The following TMEM132B variants were observed in gnomAD, a reference collection of about 807,000 sequenced individuals.
TMEM132B encodes transmembrane protein 132B.
In TMEM132B, 18 loss-of-function variants were observed where a neutral mutation model predicts 90.8. The observed-to-expected ratio is 0.20, with a 90% CI of 0.14 to 0.29. The LOEUF (loss-of-function observed/expected upper bound fraction) is 0.29. Among genes scored for constraint, TMEM132B ranks in the 10% least tolerant of loss-of-function variants. The pLI is 1.00. For missense variants in TMEM132B, 1,096 were observed against 1,326.8 expected (o/e 0.83, Z 2.70); for synonymous variants, 504 against 523.3 (o/e 0.96, Z 0.50).
intron 1 of TMEM132B, among the ~76,000 whole-genome samples, chr12:125,346,009 T>C (rs528656200): frequency 4.4e-4 from 67 of 152,350 alleles, no homozygotes; most frequent in African/African-American, 1.3e-3. Context: ...AATTCAGATA[T>C]TATATTTTGT....
chr12:125,229,410 T>C (rs1220363656), intron 1 of TMEM132B, among the ~76,000 whole-genome samples: 5 of 152,190 alleles, frequency 3.3e-5, no homozygotes, highest in Non-Finnish European at 7.4e-5. Flanking sequence ...CGTCACTAGG[T>C]TCATTCCTCT....
intron 4 of TMEM132B, among the ~76,000 whole-genome samples, chr12:125,566,577 C>T (rs1050064334): frequency 6.6e-6 from 1 of 152,136 alleles, no homozygotes; most frequent in Non-Finnish European, 1.5e-5. Context: ...GGGATCTGTT[C>T]TGAGGGGCAT....
intron 4 of TMEM132B, among the ~76,000 whole-genome samples, chr12:125,545,422 G>A (rs1044775398): frequency 1.3e-5 from 2 of 152,136 alleles, no homozygotes; most frequent in African/African-American, 2.4e-5. Context: ...TTTCCCAACC[G>A]GAACACACCA....
chr12:125,413,265 T>A (rs1489338282), intron 2 of TMEM132B, among the ~76,000 whole-genome samples: 1 of 152,178 alleles, frequency 6.6e-6, no homozygotes, highest in African/African-American at 2.4e-5. Context: ...CATTCTATTT[T>A]TTTAAAGTTT....
intron 3 of TMEM132B, among the ~76,000 whole-genome samples, chr12:125,434,328 C>T (rs1054692737): frequency 1.1e-4 from 17 of 152,224 alleles, no homozygotes; most frequent in African/African-American, 3.9e-4. Context: ...AATCTAACCA[C>T]ACCTGCAAAG....
chr12:125,455,752 C>T (rs1192456048), intron 3 of TMEM132B, among the ~76,000 whole-genome samples: 1 of 150,422 alleles, frequency 6.6e-6, no homozygotes, highest in Non-Finnish European at 1.5e-5. Context: ...CTCCAGCCCC[C>T]TTGTGGTTGG....
intron 1 of TMEM132B, among the ~76,000 whole-genome samples, chr12:125,230,951 T>C (rs529272593): frequency 2.0e-5 from 3 of 152,332 alleles, no homozygotes; most frequent in South Asian, 2.1e-4. Context: ...TGGTGAGTTA[T>C]ACTAATTTCC....
intron 1 of TMEM132B, among the ~76,000 whole-genome samples, chr12:125,260,819 C>T (rs576658759): frequency 2.0e-5 from 3 of 152,184 alleles, no homozygotes; most frequent in South Asian, 2.1e-4. Flanking sequence ...AGGAGGGCGA[C>T]GTTGGAAGAT....
intron 2 of TMEM132B, among the ~76,000 whole-genome samples, chr12:125,361,509 T>C (rs1246389601): frequency 6.6e-6 from 1 of 152,220 alleles, no homozygotes; most frequent in Non-Finnish European, 1.5e-5. Context: ...ACTAGTCTCT[T>C]TTCCCAAATA....
At chr12:125,219,663 G>A (rs1366912023) in intron 1 of TMEM132B, among the ~76,000 whole-genome samples, 3 of 152,136 alleles carry the variant, frequency 2.0e-5, no homozygotes, top group Non-Finnish European at 4.4e-5. Context: ...CTTTGGTTTC[G>A]AACAATTCCA....
intron 2 of TMEM132B, among the ~76,000 whole-genome samples, chr12:125,362,830 C>G (rs1878003374): frequency 6.6e-6 from 1 of 152,234 alleles, no homozygotes; most frequent in Admixed American, 6.5e-5. Flanking sequence ...AGGCCAGCGT[C>G]CATGCTGACA....
intron 3 of TMEM132B, among the ~76,000 whole-genome samples, chr12:125,472,209 A>G (rs1056837740): frequency 6.6e-6 from 1 of 152,198 alleles, no homozygotes; most frequent in Non-Finnish European, 1.5e-5. Flanking sequence ...TCCATGGTTT[A>G]TATTCTGTGT....
chr12:125,391,004 T>C (rs1878994007), intron 2 of TMEM132B, among the ~76,000 whole-genome samples: 1 of 152,026 alleles, frequency 6.6e-6, no homozygotes, highest in South Asian at 2.1e-4. Context: ...GTTATTTTTT[T>C]TTCACAGCAG....
At chr12:125,391,865 C>A (rs893519375) in intron 2 of TMEM132B, among the ~76,000 whole-genome samples, 1 of 152,178 alleles carries the variant, frequency 6.6e-6, no homozygotes, top group Admixed American at 6.5e-5. Flanking sequence ...CTCCTGGGCT[C>A]GTCTGGTCCT....
chr12:125,356,228 A>C (rs997424074), intron 2 of TMEM132B, among the ~76,000 whole-genome samples: 1 of 152,118 alleles, frequency 6.6e-6, no homozygotes, highest in Admixed American at 6.5e-5. Context: ...GGTGGAGCCC[A>C]GTGGTTAAGA....
chr12:125,305,703 C>A (rs1349675224), intron 1 of TMEM132B, among the ~76,000 whole-genome samples: 1 of 152,176 alleles, frequency 6.6e-6, no homozygotes, highest in Non-Finnish European at 1.5e-5. Context: ...AACCTCCTAA[C>A]ACTTTGCTGT....
At chr12:125,633,998 T>G (rs1397831825) in intron 5 of TMEM132B, among the ~76,000 whole-genome samples, 3 of 152,176 alleles carry the variant, frequency 2.0e-5, no homozygotes, top group Non-Finnish European at 4.4e-5. Context: ...GCCAGGTTGG[T>G]GCCCTTCCCT....
intron 1 of TMEM132B, among the ~76,000 whole-genome samples, chr12:125,304,456 A>G (rs1413584425): frequency 2.0e-5 from 3 of 151,884 alleles, no homozygotes; most frequent in African/African-American, 4.8e-5. Context: ...TCCTTCATGG[A>G]TTTTGCAATG....
chr12:125,325,992 CA>C (rs1876552472), intron 1 of TMEM132B, among the ~76,000 whole-genome samples: 1 of 152,182 alleles, frequency 6.6e-6, no homozygotes, highest in South Asian at 2.1e-4. Context: ...GACCCCACTC[CA>C]GGGCCCTGCA....
Sources: gnomAD v4.1 joint callset for allele counts (sites outside exome capture counted in the v4.1 genomes callset) on GRCh38, gnomAD v4.1.1 for gene constraint, MANE v1.5 for transcripts, NCBI Gene and HGNC (gene_info 2026-07-23, HGNC 2026-07-21) for gene names.